Variants in HECTD2 observed in about 807,000 individuals in gnomAD.
HECTD2 encodes probable E3 ubiquitin-protein ligase HECTD2.
HECTD2 carries 35 observed loss-of-function variants against 103.2 expected under a neutral mutation model. The ratio of observed to expected loss-of-function variants is 0.34; its 90% CI spans 0.26 to 0.45. HECTD2 has a LOEUF of 0.45. Among genes scored for constraint, HECTD2 ranks in the 20% least tolerant of loss-of-function variants. The pLI, the probability that HECTD2 is intolerant of heterozygous loss-of-function variation, is 1.00. For synonymous variants in HECTD2, 281 were observed against 329.9 expected (o/e 0.85, Z 1.61); for missense variants, 596 against 937.4 (o/e 0.64, Z 4.76).
chr10:91,493,924 A>G (rs1846569102), intron 14 of HECTD2, among the ~76,000 whole-genome samples: 1 of 152,068 alleles, frequency 6.6e-6, no homozygotes, highest in African/African-American at 2.4e-5. Context: ...ATATGCCTCC[A>G]AATCCTGAAA....
intron 2 of HECTD2, among the ~76,000 whole-genome samples, chr10:91,426,705 C>T (rs1366581300): frequency 4.0e-5 from 6 of 151,784 alleles, no homozygotes; most frequent in South Asian, 2.1e-4. Context: ...GAAGTCAGTT[C>T]GCCAACTCGT....
intron 20 of HECTD2, among the ~76,000 whole-genome samples, chr10:91,510,821 T>C (rs542851077): frequency 5.3e-5 from 8 of 152,344 alleles, no homozygotes; most frequent in Non-Finnish European, 7.3e-5. Context: ...GAATGTTAAA[T>C]CTTACATATG....
At chr10:91,466,535 TCAGTGCTATA>T (rs1209547441) in intron 5 of HECTD2, among the ~76,000 whole-genome samples, 1 of 152,216 alleles carries the variant, frequency 6.6e-6, no homozygotes, top group African/African-American at 2.4e-5. Context: ...ATATATTCAT[TCAGTGCTATA>T]CATTTCCCTC....
intron 1 of HECTD2, among the ~76,000 whole-genome samples, chr10:91,424,116 C>T (rs1843462814): frequency 1.3e-5 from 2 of 152,154 alleles, no homozygotes; most frequent in Non-Finnish European, 2.9e-5. Flanking sequence ...AACAGATGCT[C>T]TAACATGTCA....
chr10:91,464,832 C>CT (rs1845473456), intron 5 of HECTD2: 1 of 152,222 alleles, frequency 6.6e-6, no homozygotes, highest in Non-Finnish European at 1.5e-5. Context: ...CCAGTCCTCT[C>CT]TGAGTTCTTT....
chr10:91,506,312 T>C (rs1229491147), intron 20 of HECTD2, among the ~76,000 whole-genome samples: 5 of 151,566 alleles, frequency 3.3e-5, no homozygotes, highest in Admixed American at 3.3e-4. Flanking sequence ...AGAAAACCCT[T>C]CAATAAACTA....
chr10:91,443,502 A>G (rs1160698181), intron 2 of HECTD2, among the ~76,000 whole-genome samples: 1 of 151,968 alleles, frequency 6.6e-6, no homozygotes, highest in Non-Finnish European at 1.5e-5. Context: ...GCTCCCCTGT[A>G]TGTGGTGTTG....
intron 13 of HECTD2, 142 bp from the exon 14 acceptor site, chr10:91,493,278 T>G (rs944006883): frequency 9.9e-6 from 4 of 404,502 alleles, no homozygotes; most frequent in African/African-American, 8.3e-5. Flanking sequence ...AATCCAAAAT[T>G]TTTAACTTGA....
At chr10:91,427,884 G>T (rs1446085622) in intron 2 of HECTD2, among the ~76,000 whole-genome samples, 1 of 151,724 alleles carries the variant, frequency 6.6e-6, no homozygotes, top group Non-Finnish European at 1.5e-5. Context: ...AGTTTAATTA[G>T]ATCCCATTTG....
intron 2 of HECTD2, among the ~76,000 whole-genome samples, chr10:91,436,927 CA>C (rs1844143133): frequency 6.6e-6 from 1 of 151,918 alleles, no homozygotes; most frequent in Admixed American, 6.6e-5. Flanking sequence ...ATCTTTAAAA[CA>C]ACAACAGAAC....
At chr10:91,418,200 A>C (rs1843208181) in intron 1 of HECTD2, among the ~76,000 whole-genome samples, 1 of 152,244 alleles carries the variant, frequency 6.6e-6, no homozygotes. Flanking sequence ...AAAAAAGAAC[A>C]AGACTCTTAA....
At chr10:91,492,154 T>C (rs1174900184) in intron 12 of HECTD2, among the ~76,000 whole-genome samples, 198 bp from the exon 13 acceptor site, 1 of 152,202 alleles carries the variant, frequency 6.6e-6, no homozygotes, top group Admixed American at 6.5e-5. Context: ...CCTCTCTAAT[T>C]CTGTTTCCTG....
chr10:91,435,645 G>T (rs1844083116), intron 2 of HECTD2, among the ~76,000 whole-genome samples: 1 of 151,970 alleles, frequency 6.6e-6, no homozygotes, highest in East Asian at 1.9e-4. Flanking sequence ...CTCTGTCTCT[G>T]TCTCTCTCGA....
intron 2 of HECTD2, among the ~76,000 whole-genome samples, chr10:91,460,045 A>G (rs560266947): frequency 4.3e-4 from 65 of 152,276 alleles, no homozygotes; most frequent in Non-Finnish European, 7.6e-4. Flanking sequence ...ATGTGTGACT[A>G]TGTTCAAAAA....
At chr10:91,445,639 A>G (rs191730320) in intron 2 of HECTD2, among the ~76,000 whole-genome samples, 1 of 152,178 alleles carries the variant, frequency 6.6e-6, no homozygotes, top group Non-Finnish European at 1.5e-5. Context: ...TCCCAGTGAG[A>G]TCAACGCAGA....
intron 1 of HECTD2, among the ~76,000 whole-genome samples, chr10:91,424,252 A>C (rs1476811183): frequency 6.6e-6 from 1 of 152,180 alleles, no homozygotes; most frequent in African/African-American, 2.4e-5. Flanking sequence ...GTGGCCTGTT[A>C]GAATGAATCA....
At chr10:91,492,512 C>G in intron 13 of HECTD2, 28 bp downstream of exon 13, 1 of 1,544,136 alleles carries the variant, frequency 6.5e-7, no homozygotes, top group Non-Finnish European at 8.9e-7. Context: ...TTTTTATAAA[C>G]TGTGTTTCTT....
intron 2 of HECTD2, among the ~76,000 whole-genome samples, chr10:91,453,651 CAGAG>C (rs1844932515): frequency 6.6e-6 from 1 of 151,980 alleles, no homozygotes; most frequent in Non-Finnish European, 1.5e-5. Context: ...AAATGATAAG[CAGAG>C]AGAGCACATA....
At chr10:91,459,093 T>C (rs921378308) in intron 2 of HECTD2, among the ~76,000 whole-genome samples, 3 of 151,974 alleles carry the variant, frequency 2.0e-5, no homozygotes. Flanking sequence ...CTGAAGAAGA[T>C]ATATGGATGG....
Sources: gnomAD v4.1 joint callset for allele counts (sites outside exome capture counted in the v4.1 genomes callset) on GRCh38, gnomAD v4.1.1 for gene constraint, MANE v1.5 for transcripts, NCBI Gene and HGNC (gene_info 2026-07-23, HGNC 2026-07-21) for gene names.